Variants in GP6 observed in about 807,000 individuals in gnomAD.
The protein encoded by GP6 is glycoprotein VI platelet.
GP6 carries 45 observed loss-of-function variants against 37.3 expected under a neutral mutation model. The ratio of observed to expected loss-of-function variants is 1.21; its 90% confidence interval spans 0.95 to 1.55. GP6 has a LOEUF of 1.55. GP6 is among the 40% of genes most tolerant of loss of function. GP6 has a pLI of 0.00. For missense variants in GP6, 813 were observed against 760.2 expected, an observed-to-expected ratio of 1.07 and a Z score of -0.82; for synonymous variants, 340 against 316.4, an observed-to-expected ratio of 1.07 and a Z score of -0.79.
chr19:55,034,671 C>T (rs536733326), intron 1 of GP6, among the ~76,000 whole-genome samples: 1 of 151,658 alleles, frequency 6.6e-6, no homozygotes, highest in Non-Finnish European at 1.5e-5. Flanking sequence ...TCTGAAATTC[C>T]AATTTAACCA....
chr19:55,034,716 T>TACACACGC (rs1555806585), intron 1 of GP6, among the ~76,000 whole-genome samples: 2 of 148,042 alleles, frequency 1.4e-5, no homozygotes, highest in Admixed American at 1.4e-4. Flanking sequence ...CCCTCATTCT[T>TACACACGC]ACACACACAC....
intron 6 of GP6, among the ~76,000 whole-genome samples, 168 bp from the exon 7 acceptor site, chr19:55,015,901 G>A (rs1382396612): frequency 6.6e-6 from 1 of 152,144 alleles, no homozygotes; most frequent in African/African-American, 2.4e-5. Context: ...ACTTTGGGAG[G>A]CTGAGGTAGG....
At chr19:55,020,135 G>GCTCATA in intron 5 of GP6, among the ~76,000 whole-genome samples, 3 of 151,906 alleles carry the variant, frequency 2.0e-5, no homozygotes, top group Admixed American at 2.0e-4. Context: ...TCAGCTCTCG[G>GCTCATA]TGGCATAATG....
At chr19:55,032,449 C>T (rs374068596) in intron 2 of GP6, 53 bp from the exon 3 acceptor site, 30 of 1,612,534 alleles carry the variant, frequency 1.9e-5, no homozygotes, top group Middle Eastern at 1.7e-4. Flanking sequence ...GCCTGGACCC[C>T]GCTGCTCCCG....
intron 5 of GP6, 56 bp from the exon 6 acceptor site, chr19:55,018,767 A>G: frequency 8.9e-7 from 1 of 1,126,334 alleles, no homozygotes; most frequent in Non-Finnish European, 1.4e-6. Context: ...TCCTCTAGAT[A>G]TCTCCATTCC....
intron 6 of GP6, 24 bp from the exon 7 acceptor site, chr19:55,015,757 T>G: frequency 7.3e-7 from 1 of 1,370,658 alleles, no homozygotes; most frequent in Non-Finnish European, 1.0e-6. Flanking sequence ...AAAGGCTAAG[T>G]GTGAAATGAA....
intron 3 of GP6, among the ~76,000 whole-genome samples, chr19:55,028,953 T>C (rs1160648525): frequency 6.6e-6 from 1 of 151,596 alleles, no homozygotes; most frequent in Non-Finnish European, 1.5e-5. Context: ...TGAGCTATGA[T>C]CACTGTACAC....
Position 55,029,046 on chromosome 19 carries a change from T to C in GP6, c.326-1184A>G, listed in dbSNP as rs534205216. Among the ~76,000 whole-genome samples the C allele has an allele frequency of 2.1e-5, 3 of 146,292 alleles. No individual in the cohort carries two copies. In the East Asian group the frequency reaches 5.9e-4, roughly 29 times the overall value. ...AGAAAGGAAGTAAGGAAGATAAAAA[T>C]ATAAGCTGCCTAATAATTATGGCAT... On this transcript the variant is annotated intron_variant, in intron 3 of 7. Coordinates refer to ENST00000310373, the MANE Select transcript of GP6 (RefSeq NM_001083899.2).
rs1397869555 is a variant in GP6, at chr19:55,014,581, A to C, written c.1364T>G (p.Leu455Arg). The C allele has an allele frequency of 3.7e-6, 6 of 1,613,068 alleles. No individual in the cohort carries two copies. The highest frequency in any genetic ancestry group is 5.1e-6 in the Non-Finnish European group (6 of 1,179,250). Residue 455 changes from leucine (L) to arginine (R), a missense_variant, in exon 8 of 8, where the codon CTA (leucine) becomes CGA (arginine). Leu to Arg is a moderately radical substitution (Grantham distance 102). Coordinates refer to ENST00000310373, the MANE Select transcript of GP6 (RefSeq NM_001083899.2). ...GTCAACCCTGAGAGCTGGGAACCTT[A>C]GAGATCCGTCTGGAGCCCATATTAG...
Position 55,018,718 on chromosome 19 carries a change from A to T in GP6, c.665-7T>A. The T allele has an allele frequency of 1.3e-6, 2 of 1,599,988 alleles. No homozygotes were observed. The highest frequency in any genetic ancestry group is 1.7e-6 in the Non-Finnish European group (2 of 1,167,104). ...GCGGTGGCTTCTGAGAATTCTAAGA[A>T]AGCAAAACAATGTTAGGTCTTCCCC... On this transcript the variant is annotated splice_polypyrimidine_tract_variant and splice_region_variant and intron_variant, in intron 5 of 7. Transcript: ENST00000310373.
At chr19:55,015,279 C>T (rs927604034) in intron 7 of GP6, 114 bp from the exon 8 acceptor site, 21 of 1,507,236 alleles carry the variant, frequency 1.4e-5, no homozygotes, top group South Asian at 4.8e-5. Flanking sequence ...TAGGGGATGC[C>T]GCTCACTTTC....
In GP6 at chr19:55,014,803, C is replaced by G. The variant is rs182940784; in HGVS notation, c.1142G>C (p.Arg381Pro). The G allele has an allele frequency of 6.2e-7, 1 of 1,613,936 alleles. No homozygotes were observed. Among genetic ancestry groups the G allele is most frequent in the South Asian group, 1.1e-5 (1 of 91,046 alleles). Residue 381 changes from arginine (R) to proline (P), a missense_variant, in exon 8 of 8, where the codon CGA becomes CCA. Transcript: ENST00000310373. ...ACACCAGGAGGAGGCAGCATGGCCT[C>G]GTTTCCACAGCTGTAGCCTCTGCCC...
intron 1 of GP6, among the ~76,000 whole-genome samples, chr19:55,034,135 T>C (rs111831320): frequency 0.014 from 1,971 of 136,716 alleles, 46 homozygotes; most frequent in African/African-American, 0.053. Context: ...TGTATGTATA[T>C]GTATATATGT....
chr19:55,028,094 C>T (rs189918597), intron 3 of GP6, among the ~76,000 whole-genome samples: 85 of 152,346 alleles, frequency 5.6e-4, no homozygotes, highest in Non-Finnish European at 1.3e-4. Context: ...CTTCAGGGGC[C>T]TGGTGGCCCT....
intron 1 of GP6, among the ~76,000 whole-genome samples, chr19:55,033,906 A>G (rs2074709492): frequency 6.6e-6 from 1 of 152,090 alleles, no homozygotes; most frequent in Non-Finnish European, 1.5e-5. Context: ...CCATGATTAC[A>G]TGATAGGATA....
intron 5 of GP6, among the ~76,000 whole-genome samples, chr19:55,019,678 C>CTTTTTTT (rs770367312): frequency 1.6e-5 from 2 of 126,754 alleles, no homozygotes; most frequent in Non-Finnish European, 1.6e-5. Flanking sequence ...TTCTTTTTTT[C>CTTTTTTT]TTTTTTTTTT....
rs1040550566 is a variant in GP6 at position 55,028,875 on chromosome 19, C to A, written c.326-1013G>T. On this transcript the variant is annotated intron_variant, in intron 3 of 7. Transcript: ENST00000310373. ...TGAGGCTGGGTGCGGCGGCTCACAC[C>A]GGTCATCCCAGCACTTTGGGAGGCC... Among the ~76,000 whole-genome samples, 6 of 151,996 alleles carry A rather than the reference C, an allele frequency of 3.9e-5. No individual in the cohort carries two copies. In the South Asian group the frequency reaches 1.2e-3, roughly 31 times the overall value.
chr19:55,020,860 G>A (rs1299604835), intron 5 of GP6, among the ~76,000 whole-genome samples: 1 of 151,608 alleles, frequency 6.6e-6, no homozygotes, highest in African/African-American at 2.4e-5. Flanking sequence ...AGACCACCCT[G>A]GCCAACATGG....
rs760053904 is a variant in GP6, at chr19:55,032,542, A to G, written c.35-4T>C. ...GGCACACGCCCCAGACACAGCCCTG[A>G]GGAAAGAAGAAAGGGACCAGATGCC... On this transcript the variant is annotated splice_polypyrimidine_tract_variant and splice_region_variant and intron_variant, in intron 1 of 7. Transcript: ENST00000310373. The G allele has an allele frequency of 6.2e-7, 1 of 1,613,694 alleles. No homozygotes were observed.
Sources: allele counts gnomAD v4.1 joint callset (sites outside exome capture counted in the v4.1 genomes callset), GRCh38; gene constraint gnomAD v4.1.1; transcripts MANE v1.5; gene names NCBI Gene and HGNC (gene_info 2026-07-23, HGNC 2026-07-21).